BCL2L13: variants seen among roughly 807,000 people sequenced by gnomAD.
The protein encoded by BCL2L13 is bcl-2-like protein 13.
BCL2L13 carries 13 observed loss-of-function variants against 25.8 expected under a neutral mutation model. The ratio of observed to expected loss-of-function variants is 0.50; its 90% CI spans 0.33 to 0.80. The LOEUF (loss-of-function observed/expected upper bound fraction) is 0.80, where lower values mean the gene tolerates loss of function less well. Ranked by LOEUF, BCL2L13 falls within the 30% of genes least tolerant of loss-of-function variation. The pLI is 0.02. For synonymous variants in BCL2L13, 244 were observed against 230.3 expected (o/e 1.06, Z -0.54); for missense variants, 504 against 574.9 (o/e 0.88, Z 1.26).
chr22:17,716,863 G>T (rs552831688), intron 6 of BCL2L13, among the ~76,000 whole-genome samples: 20 of 152,210 alleles, frequency 1.3e-4, no homozygotes, highest in African/African-American at 4.8e-4. Context: ...TGTGGGACAG[G>T]GTCTTGAATT....
intron 1 of BCL2L13, among the ~76,000 whole-genome samples, chr22:17,647,951 AC>A (rs1398906626): frequency 1.3e-5 from 2 of 151,788 alleles, no homozygotes; most frequent in South Asian, 2.1e-4. Flanking sequence ...ACACGGTGAA[AC>A]CCCCGTCTCT....
intron 1 of BCL2L13, among the ~76,000 whole-genome samples, chr22:17,640,719 G>A (rs997246387): frequency 6.7e-6 from 1 of 149,756 alleles, no homozygotes; most frequent in Non-Finnish European, 1.5e-5. Flanking sequence ...AAAAAAATTA[G>A]CCAGGCATAG....
upstream of BCL2L13, among the ~76,000 whole-genome samples, chr22:17,636,871 T>C (rs2058116684): frequency 6.6e-6 from 1 of 152,214 alleles, no homozygotes; most frequent in Non-Finnish European, 1.5e-5. Flanking sequence ...AACTTAAGTA[T>C]GTACCAAATT....
chr22:17,659,355 C>T (rs1194335019), intron 2 of BCL2L13, among the ~76,000 whole-genome samples: 1 of 145,558 alleles, frequency 6.9e-6, no homozygotes, highest in African/African-American at 2.4e-5. Context: ...CAGAGCGAGA[C>T]TTCGTCTCAA....
upstream of BCL2L13, chr22:17,628,907 G>A: frequency 9.7e-6 from 5 of 516,980 alleles, no homozygotes; most frequent in South Asian, 2.4e-5. Context: ...GACCTGACCG[G>A]TATTTTTTTC....
chr22:17,677,997 G>C (rs2059624173), intron 2 of BCL2L13, among the ~76,000 whole-genome samples: 1 of 152,198 alleles, frequency 6.6e-6, no homozygotes, highest in Non-Finnish European at 1.5e-5. Context: ...TGTGAGCCAT[G>C]ATAGTGCCAC....
intron 6 of BCL2L13, among the ~76,000 whole-genome samples, chr22:17,719,462 C>T (rs1045477543): frequency 6.6e-6 from 1 of 152,276 alleles, no homozygotes; most frequent in Admixed American, 6.5e-5. Context: ...AAAACTAGTA[C>T]ATGGACATTT....
chr22:17,663,050 T>C (rs1601566588), intron 2 of BCL2L13, among the ~76,000 whole-genome samples: 1 of 151,904 alleles, frequency 6.6e-6, no homozygotes, highest in East Asian at 1.9e-4. Flanking sequence ...TTTAAACTTT[T>C]TGTAAAGACA....
chr22:17,639,272 C>T (rs1422329461), intron 1 of BCL2L13, among the ~76,000 whole-genome samples: 1 of 152,222 alleles, frequency 6.6e-6, no homozygotes, highest in African/African-American at 2.4e-5. Flanking sequence ...GAAAGGTTTT[C>T]CTGCGATTCA....
upstream of BCL2L13, chr22:17,638,319 A>G (rs2058148490): frequency 5.5e-6 from 1 of 180,318 alleles, no homozygotes; most frequent in African/African-American, 2.3e-5. Flanking sequence ...CCTCCCCGGA[A>G]TTCCTTCCCA....
At chr22:17,679,495 C>G (rs1235997027) in intron 2 of BCL2L13, among the ~76,000 whole-genome samples, 15 of 151,860 alleles carry the variant, frequency 9.9e-5, no homozygotes, top group Admixed American at 9.8e-4. Context: ...GTCTTGAACT[C>G]CTGACCTCAG....
chr22:17,638,787 G>T lies in BCL2L13; in HGVS notation c.-150G>T. On this transcript the variant is annotated 5_prime_UTR_variant, in exon 1 of 7. In the 5' UTR this introduces an upstream ATG that the reference lacks. Coordinates refer to ENST00000317582, the MANE Select transcript of BCL2L13 (RefSeq NM_015367.4). ...CCAACATGGCGGCGGCGGTAGATTA[G>T]GGCCGCGGGTCGGAGCACTCACCGC... The T allele has an allele frequency of 2.4e-6, 3 of 1,231,774 alleles. No individual in the cohort carries two copies. Among genetic ancestry groups the T allele is most frequent in the Non-Finnish European group, 3.0e-6 (3 of 988,000 alleles). The allele number at this position is 1,231,774 out of a possible 1,614,324, so 76.3% of individuals were successfully genotyped here.
At chr22:17,650,859 C>T (rs967696964) in intron 1 of BCL2L13, among the ~76,000 whole-genome samples, 53 of 151,996 alleles carry the variant, frequency 3.5e-4, no homozygotes, top group African/African-American at 1.2e-3. Flanking sequence ...AGGCATGTGC[C>T]ACCATGCCCA....
rs550602219 is a variant in BCL2L13 at position 17,656,304 on chromosome 22, A to C, written c.121+472A>C. Among the ~76,000 whole-genome samples the C allele has an allele frequency of 1.4e-4, 21 of 149,228 alleles. No individual in the cohort carries two copies. In the South Asian group the frequency reaches 3.1e-3, roughly 22 times the overall value. ...TGCCATTCTTTCCATTTCCAGAAGC[A>C]AAAAACAAAAGTATTTTTTTTCATT... On this transcript the variant is annotated intron_variant, in intron 2 of 6. Transcript: ENST00000317582.
At chr22:17,683,728 C>A (rs537123867) in intron 3 of BCL2L13, among the ~76,000 whole-genome samples, 16 of 112,480 alleles carry the variant, frequency 1.4e-4, no homozygotes, top group South Asian at 4.7e-4. Flanking sequence ...AATGTACATT[C>A]AACTTTATAG....
intron 1 of BCL2L13, among the ~76,000 whole-genome samples, chr22:17,642,297 T>C (rs1027619624): frequency 3.9e-5 from 6 of 152,034 alleles, no homozygotes; most frequent in African/African-American, 1.4e-4. Flanking sequence ...TAGCTGGGAT[T>C]ACAGGTGCGT....
chr22:17,653,006 A>C (rs2058736722), intron 1 of BCL2L13, among the ~76,000 whole-genome samples: 4 of 152,094 alleles, frequency 2.6e-5, no homozygotes, highest in African/African-American at 2.4e-5. Context: ...CGGAGCTTGC[A>C]GTGAGCCGAG....
chr22:17,631,755 A>G (rs1197836136), intron 1 of BCL2L13, among the ~76,000 whole-genome samples: 5 of 92,620 alleles, frequency 5.4e-5, no homozygotes, highest in African/African-American at 8.8e-5. Flanking sequence ...GAGTTTCGCT[A>G]TTGTTGCCCA....
intron 2 of BCL2L13, among the ~76,000 whole-genome samples, chr22:17,657,111 C>T (rs909094179): frequency 2.0e-5 from 3 of 152,050 alleles, no homozygotes; most frequent in Admixed American, 6.6e-5. Flanking sequence ...GAGCCCCAGG[C>T]CGGCTTGGCT....
Sources: gnomAD v4.1 joint callset for allele counts (sites outside exome capture counted in the v4.1 genomes callset) on GRCh38, gnomAD v4.1.1 for gene constraint, MANE v1.5 for transcripts, NCBI Gene and HGNC (gene_info 2026-07-23, HGNC 2026-07-21) for gene names.